DPP10: variants seen among roughly 807,000 people sequenced by gnomAD.
The protein encoded by DPP10 is inactive dipeptidyl peptidase 10.
In DPP10, 33 loss-of-function variants were observed where a neutral mutation model predicts 120.9. That is an observed-to-expected ratio of 0.27 (90% confidence interval 0.21 to 0.37). The LOEUF (loss-of-function observed/expected upper bound fraction) is 0.37, where lower values mean the gene tolerates loss of function less well. Ranked by LOEUF, DPP10 falls within the 10% of genes least tolerant of loss-of-function variation. The pLI is 1.00. For missense variants in DPP10, 816 were observed against 942.8 expected, an observed-to-expected ratio of 0.87 and a Z score of 1.76; for synonymous variants, 337 against 326.1, an observed-to-expected ratio of 1.03 and a Z score of -0.36.
chr2:115,354,113 CTG>C (rs1256263911), intron 3 of DPP10, among the ~76,000 whole-genome samples: 1 of 151,998 alleles, frequency 6.6e-6, no homozygotes, highest in African/African-American at 2.4e-5. Context: ...TAATAAGAAA[CTG>C]AAACTTAGGA....
chr2:115,646,715 GT>G, intron 5 of DPP10, among the ~76,000 whole-genome samples: 1 of 152,230 alleles, frequency 6.6e-6, no homozygotes, highest in East Asian at 1.9e-4. Flanking sequence ...TAAACAGACT[GT>G]TTTTATACAA....
chr2:114,939,279 G>A (rs1186344516), intron 1 of DPP10, among the ~76,000 whole-genome samples: 1 of 151,890 alleles, frequency 6.6e-6, no homozygotes, highest in Non-Finnish European at 1.5e-5. Context: ...GAAAGGGGGG[G>A]GTGGTTAGGC....
chr2:115,450,331 G>C (rs537883298), intron 3 of DPP10, among the ~76,000 whole-genome samples: 1 of 151,938 alleles, frequency 6.6e-6, no homozygotes, highest in African/African-American at 2.4e-5. Flanking sequence ...CATTGAAATT[G>C]TGATGGTTTT....
At chr2:114,899,959 C>CA (rs1290586343) in intron 1 of DPP10, among the ~76,000 whole-genome samples, 1 of 152,194 alleles carries the variant, frequency 6.6e-6, no homozygotes, top group Admixed American at 6.5e-5. Context: ...GACTCCGTCT[C>CA]AAAAAAACAA....
chr2:115,532,538 C>G (rs943863768), intron 5 of DPP10, among the ~76,000 whole-genome samples: 1 of 151,918 alleles, frequency 6.6e-6, no homozygotes, highest in African/African-American at 2.4e-5. Flanking sequence ...CAATATCAAA[C>G]AATATATGAT....
chr2:114,518,695 C>T (rs1684804175), intron 1 of DPP10, among the ~76,000 whole-genome samples: 1 of 152,196 alleles, frequency 6.6e-6, no homozygotes, highest in African/African-American at 2.4e-5. Flanking sequence ...CTCGCAGATC[C>T]ATGGAGTCAT....
chr2:115,066,178 G>A (rs932871494), intron 1 of DPP10, among the ~76,000 whole-genome samples: 1 of 151,994 alleles, frequency 6.6e-6, no homozygotes, highest in Non-Finnish European at 1.5e-5. Context: ...TACAAATAAG[G>A]ATTCATTAAC....
In DPP10 at chr2:115,128,546, T is replaced by A. The variant is rs566901657; in HGVS notation, c.61-180693T>A. On this transcript the variant is annotated intron_variant, in intron 1 of 25. Coordinates refer to ENST00000410059, the MANE Select transcript of DPP10 (RefSeq NM_020868.6). ...AAAATTTCCATGGCTTAAAAAATAA[T>A]GCAAAAATGTTCAGAAACATTTGGT... Among the ~76,000 whole-genome samples the A allele has an allele frequency of 6.6e-5, 10 of 152,278 alleles. 1 individual carries two copies. In the South Asian group the frequency reaches 2.1e-3, roughly 32 times the overall value.
intron 19 of DPP10, among the ~76,000 whole-genome samples, chr2:115,793,886 A>G (rs1247472359): frequency 6.6e-6 from 1 of 152,092 alleles, no homozygotes; most frequent in Non-Finnish European, 1.5e-5. Flanking sequence ...TACTTACAAT[A>G]TGATCTATTC....
chr2:115,306,402 A>G (rs2061361620), intron 1 of DPP10, among the ~76,000 whole-genome samples: 1 of 152,120 alleles, frequency 6.6e-6, no homozygotes, highest in African/African-American at 2.4e-5. Flanking sequence ...AATGGTAATC[A>G]GAGCAGCATG....
rs775985067 is a variant in DPP10 at position 115,088,768 on chromosome 2, A to AAAAAAAAAAAAAAC, written c.61-220470_61-220469insAAAAAAAAAAAACA. ...TGCCTGACAAAAAAAAAAAAAAAAA[A>AAAAAAAAAAAAAAC]ACCAAAAAACAAAAAAAACCTTAAA... On this transcript the variant is annotated intron_variant, in intron 1 of 25. Coordinates refer to ENST00000410059, the MANE Select transcript of DPP10 (RefSeq NM_020868.6). 9.6e-3 allele frequency among the ~76,000 whole-genome samples: 1,295 copies of AAAAAAAAAAAAAAC among 134,350 alleles called. 80 individuals are homozygous for AAAAAAAAAAAAAAC. The highest frequency in any genetic ancestry group is 0.014 in the Non-Finnish European group (882 of 62,352). The allele number at this position is 134,350 out of a possible 152,430, so 88.1% of individuals were successfully genotyped here.
chr2:114,607,773 T>A (rs1389355981), intron 1 of DPP10, among the ~76,000 whole-genome samples: 3 of 152,208 alleles, frequency 2.0e-5, no homozygotes, highest in Non-Finnish European at 4.4e-5. Flanking sequence ...GTTATGCTTT[T>A]GTTTGATTTT....
At chr2:114,827,620 T>C (rs755872236) in intron 1 of DPP10, among the ~76,000 whole-genome samples, 6 of 152,204 alleles carry the variant, frequency 3.9e-5, no homozygotes, top group African/African-American at 4.8e-5. Context: ...GCTTTGTGTG[T>C]GTGTGTGTTT....
At chr2:115,339,706 C>G (rs1209802049) in intron 2 of DPP10, among the ~76,000 whole-genome samples, 1 of 151,980 alleles carries the variant, frequency 6.6e-6, no homozygotes, top group African/African-American at 2.4e-5. Flanking sequence ...AAAGCCAGTC[C>G]AAAAGCTTAG....
chr2:114,882,539 G>GT (rs1023298644), intron 1 of DPP10, among the ~76,000 whole-genome samples: 7 of 151,976 alleles, frequency 4.6e-5, no homozygotes, highest in Non-Finnish European at 8.8e-5. Context: ...GGGAGGGGAG[G>GT]TGAGGGCTAA....
chr2:114,517,633 A>C (rs1189917001), intron 1 of DPP10, among the ~76,000 whole-genome samples: 1 of 152,246 alleles, frequency 6.6e-6, no homozygotes, highest in Non-Finnish European at 1.5e-5. Context: ...ATGGTTTCTA[A>C]GGCCATTATG....
At chr2:115,474,618 A>G (rs927320952) in intron 3 of DPP10, among the ~76,000 whole-genome samples, 3 of 152,112 alleles carry the variant, frequency 2.0e-5, no homozygotes, top group Non-Finnish European at 2.9e-5. Flanking sequence ...GCTGCTTCTA[A>G]AAGCCTATAT....
At chr2:115,597,983 C>T (rs1187476419) in intron 5 of DPP10, among the ~76,000 whole-genome samples, 1 of 151,898 alleles carries the variant, frequency 6.6e-6, no homozygotes, top group Non-Finnish European at 1.5e-5. Flanking sequence ...ATTGTTGTGA[C>T]TTCCTCTCCC....
intron 1 of DPP10, among the ~76,000 whole-genome samples, chr2:115,093,336 AT>A (rs1010608985): frequency 6.6e-6 from 1 of 152,130 alleles, no homozygotes; most frequent in African/African-American, 2.4e-5. Context: ...TATAAATGGA[AT>A]TGACCAATAT....
Sources: allele counts gnomAD v4.1 joint callset (sites outside exome capture counted in the v4.1 genomes callset), GRCh38; gene constraint gnomAD v4.1.1; transcripts MANE v1.5; gene names NCBI Gene and HGNC (gene_info 2026-07-23, HGNC 2026-07-21).